PRUNE2: variants seen among roughly 807,000 people sequenced by gnomAD.
PRUNE2 encodes prune homolog 2 with BCH domain.
PRUNE2 carries 164 observed loss-of-function variants against 252.0 expected under a neutral mutation model. The ratio of observed to expected loss-of-function variants is 0.65; its 90% CI spans 0.57 to 0.74. The LOEUF (loss-of-function observed/expected upper bound fraction) is 0.74. Ranked by LOEUF, PRUNE2 falls within the 30% of genes least tolerant of loss-of-function variation. The pLI, the probability that PRUNE2 is intolerant of heterozygous loss-of-function variation, is 0.00. For synonymous variants in PRUNE2, 1,292 were observed against 1,350.2 expected, an observed-to-expected ratio of 0.96 and a Z score of 0.94; for missense variants, 3,495 against 3,711.0, an observed-to-expected ratio of 0.94 and a Z score of 1.51.
At chr9:76,740,557 T>G (rs771042774) in intron 6 of PRUNE2, 1 of 152,142 alleles carries the variant, frequency 6.6e-6, no homozygotes, top group Non-Finnish European at 1.5e-5. Flanking sequence ...TGTATTAATA[T>G]GAACTCTACT....
At chr9:76,644,536 A>G in intron 12 of PRUNE2, 1 of 681,208 alleles carries the variant, frequency 1.5e-6, no homozygotes. Context: ...TTATATTGGA[A>G]AGTTGTCTTT....
chr9:76,717,661 C>A (rs968484934), intron 6 of PRUNE2, among the ~76,000 whole-genome samples: 1 of 152,024 alleles, frequency 6.6e-6, no homozygotes, highest in African/African-American at 2.4e-5. Flanking sequence ...AAAAGCACTT[C>A]CTGTTGAACT....
chr9:76,792,785 A>G (rs1213312947), intron 6 of PRUNE2, among the ~76,000 whole-genome samples: 3 of 152,320 alleles, frequency 2.0e-5, no homozygotes, highest in East Asian at 1.9e-4. Context: ...CTATTTGCCA[A>G]TAATAGCAAA....
intron 6 of PRUNE2, among the ~76,000 whole-genome samples, chr9:76,812,905 G>A (rs2057451865): frequency 6.6e-6 from 1 of 152,110 alleles, no homozygotes; most frequent in African/African-American, 2.4e-5. Context: ...GTTAAACACA[G>A]TCATTATAAA....
At chr9:76,859,085 CA>C (rs1339289761) in intron 1 of PRUNE2, among the ~76,000 whole-genome samples, 18 of 152,128 alleles carry the variant, frequency 1.2e-4, no homozygotes, top group Admixed American at 2.0e-4. Flanking sequence ...CAGTGCTCCC[CA>C]AACCCAATAC....
Position 76,906,047 on chromosome 9 carries a change from G to A in PRUNE2, c.-84C>T. The A allele has an allele frequency of 2.0e-6, 3 of 1,467,132 alleles. No individual in the cohort carries two copies. Among genetic ancestry groups the A allele is most frequent in the African/African-American group, 1.4e-5 (1 of 71,994 alleles). 90.9% of individuals were successfully genotyped at this position (1,467,132 alleles called of 1,614,324 possible). On this transcript the variant is annotated 5_prime_UTR_variant, in exon 1 of 19. Transcript: ENST00000376718. The stretch of plus-strand genomic sequence containing the variant: ...CCAAGGAAGACGAGCGGGGTCCCGG[G>A]AAAGTGGCCCGCCGGGGCGCAGCGA...
intron 6 of PRUNE2, among the ~76,000 whole-genome samples, chr9:76,726,153 C>T (rs758474689): frequency 3.7e-4 from 56 of 152,080 alleles, no homozygotes; most frequent in Non-Finnish European, 1.0e-4. Context: ...GTCACGACTC[C>T]CTTTTGGTCA....
rs368601913 is a variant in PRUNE2, at chr9:76,705,947, G to A, written c.6327C>T (p.His2109=). The part of the protein sequence containing the change: ...SQASDSPDIC[H]DSEAKQETEK... ...CAGTCTCTTGCTTTGCTTCAGAATCGTGACATATATCAGGGCTGTCGGAAG... is the reference window on the plus strand; with the variant it reads ...CAGTCTCTTGCTTTGCTTCAGAATCATGACATATATCAGGGCTGTCGGAAG... Residue 2109 remains histidine, a synonymous_variant, in exon 8 of 19, where the codon CAC becomes CAT. Coordinates refer to ENST00000376718, the MANE Select transcript of PRUNE2 (RefSeq NM_015225.3). The A allele has an allele frequency of 1.9e-5, 31 of 1,613,960 alleles. No individual in the cohort carries two copies. Among genetic ancestry groups the A allele is most frequent in the East Asian group, 8.9e-5 (4 of 44,880 alleles).
At chr9:76,723,858 G>A (rs368962318) in intron 6 of PRUNE2, among the ~76,000 whole-genome samples, 11 of 150,342 alleles carry the variant, frequency 7.3e-5, no homozygotes, top group Admixed American at 5.3e-4. Flanking sequence ...CCCAGGCTGG[G>A]GTGCAGTGGT....
chr9:76,802,580 A>C (rs1478897157), intron 6 of PRUNE2, among the ~76,000 whole-genome samples: 1 of 152,208 alleles, frequency 6.6e-6, no homozygotes, highest in Non-Finnish European at 1.5e-5. Context: ...TTCTTTAGCA[A>C]CAAAAACAAA....
chr9:76,695,453 A>G (rs2045294614), intron 9 of PRUNE2, among the ~76,000 whole-genome samples: 4 of 152,248 alleles, frequency 2.6e-5, no homozygotes. Flanking sequence ...TGAGTGACTA[A>G]CAAAACTCTA....
chr9:76,695,532 AATGGGTAACT>A (rs1337004306), intron 9 of PRUNE2, among the ~76,000 whole-genome samples: 1 of 152,226 alleles, frequency 6.6e-6, no homozygotes, highest in Non-Finnish European at 1.5e-5. Flanking sequence ...GAACACTGAA[AATGGGTAACT>A]ATGGCCTCAA....
chr9:76,652,543 T>A lies in PRUNE2; in HGVS notation c.8497A>T (p.Ile2833Phe). 7 of 1,613,504 alleles carry A rather than the reference T, an allele frequency of 4.3e-6. No individual in the cohort carries two copies. Among genetic ancestry groups the A allele is most frequent in the Non-Finnish European group, 5.9e-6 (7 of 1,179,514 alleles). ...DNLDSPDEID[I>F]NVDELDTPDE... ...GGGGTATCAAGTTCATCCACATTGA[T>A]GTCAATTTCATCTGGACTGTCCAAG... Residue 2833 changes from isoleucine (I) to phenylalanine (F), a missense_variant, in exon 11 of 19, where the codon ATC becomes TTC. Ile to Phe is a conservative substitution (Grantham distance 21). Coordinates refer to ENST00000376718, the MANE Select transcript of PRUNE2 (RefSeq NM_015225.3).
chr9:76,778,439 T>C (rs1270181320), intron 6 of PRUNE2: 2 of 152,250 alleles, frequency 1.3e-5, no homozygotes, highest in African/African-American at 2.4e-5. Flanking sequence ...GGATGCCTGA[T>C]GATGAAGTGG....
chr9:76,755,787 G>A (rs1366466914), intron 6 of PRUNE2, among the ~76,000 whole-genome samples: 3 of 152,076 alleles, frequency 2.0e-5, no homozygotes, highest in Non-Finnish European at 4.4e-5. Context: ...ACTGCAGGTC[G>A]ACTTCCCTAG....
chr9:76,636,494 A>T lies in PRUNE2; in HGVS notation c.9027T>A (p.Leu3009=), dbSNP rs760264573. ...VHPSWFIRTI[L]AVTRPFISSK... ...ACCTTATAAAAGGTCGTGTCACAGC[A>T]AGGATTGTTCTGATGAACCAAGATG... Residue 3009 remains leucine (L), a synonymous_variant, in exon 15 of 19, where the codon CTT becomes CTA. Coordinates refer to ENST00000376718, the MANE Select transcript of PRUNE2 (RefSeq NM_015225.3). 12 of 1,548,118 alleles carry T rather than the reference A, an allele frequency of 7.8e-6. No homozygotes were observed. In the South Asian group the frequency reaches 1.3e-4, roughly 17 times the overall value.
chr9:76,664,103 A>G (rs2039667604), intron 9 of PRUNE2, among the ~76,000 whole-genome samples: 1 of 152,184 alleles, frequency 6.6e-6, no homozygotes, highest in Non-Finnish European at 1.5e-5. Flanking sequence ...CCGTCCCTTA[A>G]GTGTGGACTG....
intron 4 of PRUNE2, among the ~76,000 whole-genome samples, chr9:76,833,767 A>T (rs115378030): frequency 4.8e-4 from 72 of 151,450 alleles, no homozygotes; most frequent in African/African-American, 1.1e-3. Flanking sequence ...TCCATAAAAA[A>T]AAATAAATAA....
In PRUNE2 at chr9:76,678,823, G is replaced by A. The variant is rs186712191; in HGVS notation, c.8277-23321C>T. ...AGCCTGGGCGACAAAGTGAGACTCC[G>A]TCTCAAAAAATAAATAAATAAATAA... On this transcript the variant is annotated intron_variant, in intron 9 of 18. Transcript: ENST00000376718. 1.2e-3 allele frequency among the ~76,000 whole-genome samples: 183 copies of A among 152,216 alleles called. 1 individual carries two copies. The highest frequency in any genetic ancestry group is 4.3e-3 in the African/African-American group (177 of 41,530).
Sources: allele counts gnomAD v4.1 joint callset (sites outside exome capture counted in the v4.1 genomes callset), GRCh38; gene constraint gnomAD v4.1.1; transcripts MANE v1.5; gene names NCBI Gene and HGNC (gene_info 2026-07-23, HGNC 2026-07-21).